RSF1: variants seen among roughly 807,000 people sequenced by gnomAD.
RSF1 encodes HBV pX-associated protein 8.
A neutral mutation model predicts 145.2 loss-of-function variants in RSF1; 13 were observed. The ratio of observed to expected loss-of-function variants is 0.09; its 90% CI spans 0.06 to 0.14. RSF1 has a LOEUF of 0.14. Among genes scored for constraint, RSF1 ranks in the 10% least tolerant of loss-of-function variants. RSF1 has a pLI of 1.00. For missense variants in RSF1, 1,517 were observed against 1,718.2 expected (o/e 0.88, Z 2.07); for synonymous variants, 577 against 592.6 (o/e 0.97, Z 0.38).
At chr11:77,760,859 A>G (rs1948163779) in intron 2 of RSF1, among the ~76,000 whole-genome samples, 1 of 152,064 alleles carries the variant, frequency 6.6e-6, no homozygotes. Context: ...GAATACGATC[A>G]TCTCCTGTTG....
intron 1 of RSF1, among the ~76,000 whole-genome samples, chr11:77,802,289 A>G (rs1402287901): frequency 2.0e-5 from 3 of 152,146 alleles, no homozygotes; most frequent in African/African-American, 7.2e-5. Flanking sequence ...AAGTGTGGGG[A>G]CCCTTGGAAC....
the RSF1 span, among the ~76,000 whole-genome samples, chr11:77,827,236 A>G: frequency 6.6e-6 from 1 of 152,238 alleles, no homozygotes; most frequent in African/African-American, 2.4e-5. Flanking sequence ...ATCAATACCA[A>G]TGCTTCACAA....
intron 1 of RSF1, among the ~76,000 whole-genome samples, chr11:77,816,116 G>A (rs1948779401): frequency 6.6e-6 from 1 of 152,100 alleles, no homozygotes; most frequent in African/African-American, 2.4e-5. Context: ...GTGCCCTAAA[G>A]AATATTTGCT....
intron 1 of RSF1, among the ~76,000 whole-genome samples, chr11:77,766,089 T>C (rs890146978): frequency 1.3e-5 from 2 of 151,926 alleles, no homozygotes; most frequent in Non-Finnish European, 2.9e-5. Flanking sequence ...AATTACAGTA[T>C]ACTACCTAAA....
the RSF1 span, among the ~76,000 whole-genome samples, chr11:77,866,062 C>T: frequency 3.3e-5 from 5 of 152,192 alleles, no homozygotes; most frequent in Non-Finnish European, 7.3e-5. Flanking sequence ...ATCAGCAATA[C>T]AGCCAGATGA....
At position 77,660,802 on chromosome 11, in the gene RSF1, G is replaced by A. The variant is rs1024578749; in HGVS notation, c.*6115C>T. 2.9e-5 allele frequency: 3 copies of A among 104,058 alleles called. No homozygotes were observed. The highest frequency in any genetic ancestry group is 4.9e-5 in the African/African-American group (1 of 20,436). 6.4% of individuals were successfully genotyped at this position (104,058 alleles called of 1,614,324 possible). A position where few individuals can be genotyped will look rare whatever the true frequency, so the allele number is the denominator to read the frequency against. ...TGAATGAGGATAGCAAAAAACTGAC[G>A]CTGGCAACACATGAATATAGCTTTG... On this transcript the variant is annotated 3_prime_UTR_variant, in exon 16 of 16. Transcript: ENST00000308488.
chr11:77,673,820 C>T (rs1959620271), intron 14 of RSF1, among the ~76,000 whole-genome samples: 1 of 152,040 alleles, frequency 6.6e-6, no homozygotes, highest in South Asian at 2.1e-4. Flanking sequence ...AATCTTATCA[C>T]AAGGAAACAA....
intron 4 of RSF1, among the ~76,000 whole-genome samples, chr11:77,729,296 G>A (rs1257673245): frequency 6.6e-6 from 1 of 152,214 alleles, no homozygotes; most frequent in East Asian, 1.9e-4. Flanking sequence ...GCTATTAACA[G>A]AGATGGGACG....
chr11:77,688,979 G>C (rs1276544727), intron 9 of RSF1, among the ~76,000 whole-genome samples: 1 of 152,202 alleles, frequency 6.6e-6, no homozygotes, highest in African/African-American at 2.4e-5. Context: ...AGGATTATGG[G>C]ACAAGCTGAT....
In RSF1 at chr11:77,660,440, T is replaced by C. The variant is rs1313175229; in HGVS notation, c.*6477A>G. 3 of 148,228 alleles carry C rather than the reference T, an allele frequency of 2.0e-5. No individual in the cohort carries two copies. The highest frequency in any genetic ancestry group is 4.5e-5 in the Non-Finnish European group (3 of 66,996). 9.2% of individuals were successfully genotyped at this position (148,228 alleles called of 1,614,324 possible). On this transcript the variant is annotated 3_prime_UTR_variant, in exon 16 of 16. Coordinates refer to ENST00000308488, the MANE Select transcript of RSF1 (RefSeq NM_016578.4). ...CCACCCCCACACACATGCAGTACAT[T>C]ATGTGACAGAGAGCACTCCAGCTTC...
intron 4 of RSF1, among the ~76,000 whole-genome samples, chr11:77,733,914 A>C (rs1961271824): frequency 6.6e-6 from 1 of 152,214 alleles, no homozygotes; most frequent in South Asian, 2.1e-4. Flanking sequence ...GGAGTGAATA[A>C]AATCACTTAT....
intron 1 of RSF1, among the ~76,000 whole-genome samples, chr11:77,801,424 C>T (rs550220754): frequency 4.6e-5 from 7 of 152,146 alleles, no homozygotes; most frequent in South Asian, 2.1e-4. Context: ...AGCAAGACTC[C>T]GTCTCAAAAA....
rs181373867 is a variant in RSF1 at position 77,663,061 on chromosome 11, G to A, written c.*3856C>T. On this transcript the variant is annotated 3_prime_UTR_variant, in exon 16 of 16. Transcript: ENST00000308488. ...TATACACATGTACCATTTAACTCTG[G>A]GTCTTTGAATAGTTGTTCTATAGCT... 1 of 152,144 alleles carries A rather than the reference G, an allele frequency of 6.6e-6. No homozygotes were observed. The highest frequency in any genetic ancestry group is 2.4e-5 in the African/African-American group (1 of 41,504). 9.4% of individuals were successfully genotyped at this position (152,144 alleles called of 1,614,324 possible). A position where few individuals can be genotyped will look rare whatever the true frequency, so the allele number is the denominator to read the frequency against.
At chr11:77,835,282 G>T in the RSF1 span, among the ~76,000 whole-genome samples, 1 of 152,148 alleles carries the variant, frequency 6.6e-6, no homozygotes, top group Admixed American at 6.6e-5. Flanking sequence ...TTGGAACATG[G>T]ATGTGATCGC....
At chr11:77,702,529 G>C in intron 5 of RSF1, 34 bp from the exon 6 acceptor site, 3 of 1,397,018 alleles carry the variant, frequency 2.1e-6, no homozygotes, top group Non-Finnish European at 2.9e-6. Flanking sequence ...TACATGAATA[G>C]AAACTTTCAA....
At chr11:77,823,621 CAAAAA>C (rs397970373), upstream of RSF1, among the ~76,000 whole-genome samples, 3 of 97,644 alleles carry the variant, frequency 3.1e-5, no homozygotes, top group Non-Finnish European at 5.9e-5. Context: ...CACCCTGTCT[CAAAAA>C]AAAAAAAAAA....
chr11:77,814,486 C>G (rs545878024), intron 1 of RSF1, among the ~76,000 whole-genome samples: 1 of 152,108 alleles, frequency 6.6e-6, no homozygotes, highest in African/African-American at 2.4e-5. Flanking sequence ...CGCTCTGTCA[C>G]CCAGGCTGGA....
intron 2 of RSF1, among the ~76,000 whole-genome samples, chr11:77,749,591 G>A (rs1204431642): frequency 6.6e-6 from 1 of 152,102 alleles, no homozygotes; most frequent in African/African-American, 2.4e-5. Context: ...AACAACTACT[G>A]ATTCGCATCT....
chr11:77,840,057 A>G, the RSF1 span, among the ~76,000 whole-genome samples: 1 of 151,568 alleles, frequency 6.6e-6, no homozygotes, highest in Non-Finnish European at 1.5e-5. Flanking sequence ...ATAGCATGTT[A>G]TCATTTCTGT....
Sources: gnomAD v4.1 joint callset for allele counts (sites outside exome capture counted in the v4.1 genomes callset) on GRCh38, gnomAD v4.1.1 for gene constraint, MANE v1.5 for transcripts, NCBI Gene and HGNC (gene_info 2026-07-23, HGNC 2026-07-21) for gene names.